Variants in ITGA2 observed in about 807,000 individuals in gnomAD.
ITGA2 encodes the protein integrin alpha-2.
ITGA2 carries 101 observed loss-of-function variants against 146.3 expected under a neutral mutation model. The observed-to-expected ratio is 0.69, with a 90% CI of 0.59 to 0.81. ITGA2 has a LOEUF of 0.81. Ranked by LOEUF, ITGA2 falls within the 40% of genes least tolerant of loss-of-function variation. The pLI is 0.00. For synonymous variants in ITGA2, 477 were observed against 487.1 expected (o/e 0.98, Z 0.27); for missense variants, 1,281 against 1,402.7 (o/e 0.91, Z 1.39).
chr5:53,091,928 G>T lies in ITGA2; in HGVS notation c.*1329G>T, dbSNP rs773148609. 1.3e-5 allele frequency: 2 copies of T among 152,204 alleles called. No homozygotes were observed. Among genetic ancestry groups the T allele is most frequent in the Non-Finnish European group, 2.9e-5 (2 of 68,034 alleles). 9.4% of individuals were successfully genotyped at this position (152,204 alleles called of 1,614,324 possible). ...ATTAGCAGGTGCACCTTCTGTGGCT[G>T]TCTTGTTTCTGAAGTACTTAAACTT... On this transcript the variant is annotated 3_prime_UTR_variant, in exon 30 of 30. Coordinates refer to ENST00000296585, the MANE Select transcript of ITGA2 (RefSeq NM_002203.4).
intron 1 of ITGA2, among the ~76,000 whole-genome samples, chr5:53,020,322 T>A (rs2111784823): frequency 6.6e-6 from 1 of 152,312 alleles, no homozygotes; most frequent in East Asian, 1.9e-4. Context: ...TATACAAGAC[T>A]TATTACAAAC....
chr5:53,089,894 C>G (rs1370836554), intron 28 of ITGA2, 52 bp from the exon 29 acceptor site: 8 of 1,042,222 alleles, frequency 7.7e-6, no homozygotes, highest in Non-Finnish European at 1.2e-5. Flanking sequence ...TAGACCATCT[C>G]CCCCCTTTTT....
rs1395318733 is a variant in ITGA2, at chr5:52,989,417, C to T, written c.-52C>T. On this transcript the variant is annotated 5_prime_UTR_variant, in exon 1 of 30. Coordinates refer to ENST00000296585, the MANE Select transcript of ITGA2 (RefSeq NM_002203.4). ...CGTATCCCTCGGCCAAGGGTATCCT[C>T]TGCAAACCTCTGCAAACCCAGCGCA... 6.3e-6 allele frequency: 10 copies of T among 1,590,368 alleles called. No individual in the cohort carries two copies.
chr5:53,089,851 T>C (rs1049041514), intron 28 of ITGA2, 95 bp from the exon 29 acceptor site: 1 of 799,972 alleles, frequency 1.3e-6, no homozygotes, highest in Non-Finnish European at 2.3e-6. Flanking sequence ...TCTAGAGCTG[T>C]AGACCTTCAC....
intron 2 of ITGA2, among the ~76,000 whole-genome samples, chr5:53,039,661 A>C (rs1340120442): frequency 7.0e-6 from 1 of 143,146 alleles, no homozygotes; most frequent in Non-Finnish European, 1.5e-5. Flanking sequence ...AGTCGCTTAA[A>C]CCCGGGAGGT....
intron 2 of ITGA2, among the ~76,000 whole-genome samples, chr5:53,040,359 T>C (rs1743726747): frequency 6.6e-6 from 1 of 152,058 alleles, no homozygotes; most frequent in African/African-American, 2.4e-5. Flanking sequence ...ATGGAGAAAA[T>C]CAAGGCTCTG....
At chr5:53,063,273 G>A (rs3212546) in intron 13 of ITGA2, among the ~76,000 whole-genome samples, 5 of 151,718 alleles carry the variant, frequency 3.3e-5, no homozygotes, top group Admixed American at 1.3e-4. Flanking sequence ...AATTTTTTGC[G>A]ATAAAGACAA....
chr5:53,005,580 C>A (rs1411050402), intron 1 of ITGA2, among the ~76,000 whole-genome samples: 33 of 137,318 alleles, frequency 2.4e-4, no homozygotes, highest in South Asian at 4.7e-4. Context: ...GACTCTGTGT[C>A]AAAAAAAAAA....
intron 1 of ITGA2, among the ~76,000 whole-genome samples, chr5:53,006,327 AG>A (rs1425745594): frequency 1.3e-5 from 2 of 152,182 alleles, no homozygotes; most frequent in African/African-American, 4.8e-5. Flanking sequence ...TCTTCTTTTT[AG>A]GGTTCTCCTA....
chr5:53,045,740 A>T (rs1400952742), intron 4 of ITGA2, among the ~76,000 whole-genome samples: 3 of 152,188 alleles, frequency 2.0e-5, no homozygotes, highest in African/African-American at 7.2e-5. Flanking sequence ...AGCTAATAGA[A>T]AAAATAATAT....
At chr5:53,009,833 G>A (rs1742035311) in intron 1 of ITGA2, among the ~76,000 whole-genome samples, 1 of 152,104 alleles carries the variant, frequency 6.6e-6, no homozygotes, top group Non-Finnish European at 1.5e-5. Flanking sequence ...GCAACAAGAA[G>A]TCAGCAGCCT....
intron 10 of ITGA2, among the ~76,000 whole-genome samples, chr5:53,059,135 C>T (rs1275531578): frequency 1.3e-5 from 2 of 151,894 alleles, no homozygotes; most frequent in Non-Finnish European, 2.9e-5. Context: ...CTCATCCTCA[C>T]CAAATCTGCC....
chr5:53,063,224 C>T (rs1744981511), intron 13 of ITGA2, among the ~76,000 whole-genome samples: 1 of 151,898 alleles, frequency 6.6e-6, no homozygotes, highest in Non-Finnish European at 1.5e-5. Flanking sequence ...GAAATATGCA[C>T]ACACACAAAC....
At chr5:53,055,132 T>G (rs1744570127) in intron 7 of ITGA2, among the ~76,000 whole-genome samples, 1 of 152,088 alleles carries the variant, frequency 6.6e-6, no homozygotes, top group African/African-American at 2.4e-5. Context: ...TTTTTTTAAC[T>G]GTGGATATCT....
chr5:53,089,127 C>T (rs1740285553), intron 28 of ITGA2: 1 of 152,076 alleles, frequency 6.6e-6, no homozygotes, highest in Non-Finnish European at 1.5e-5. Context: ...AAGTTTAGCC[C>T]AGCCCATAAA....
chr5:52,990,881 A>G (rs530850821), intron 1 of ITGA2, among the ~76,000 whole-genome samples: 1 of 152,186 alleles, frequency 6.6e-6, no homozygotes, highest in Non-Finnish European at 1.5e-5. Flanking sequence ...GTTGTACTTG[A>G]CATTGAAAAT....
At chr5:53,036,427 A>G (rs999448183) in intron 2 of ITGA2, among the ~76,000 whole-genome samples, 18 of 152,198 alleles carry the variant, frequency 1.2e-4, no homozygotes, top group African/African-American at 3.4e-4. Flanking sequence ...CAGTAGGACT[A>G]CCATCTCCTT....
chr5:53,069,043 T>A (rs1745268326), intron 16 of ITGA2, among the ~76,000 whole-genome samples: 1 of 151,914 alleles, frequency 6.6e-6, no homozygotes, highest in African/African-American at 2.4e-5. Context: ...CAAGAAAAAT[T>A]GTACAACATA....
chr5:53,047,244 C>T (rs997664938), intron 4 of ITGA2, among the ~76,000 whole-genome samples: 3 of 152,170 alleles, frequency 2.0e-5, no homozygotes, highest in Non-Finnish European at 4.4e-5. Context: ...TGATTCACAA[C>T]TTTACATAAC....
Sources: gnomAD v4.1 joint callset for allele counts (sites outside exome capture counted in the v4.1 genomes callset) on GRCh38, gnomAD v4.1.1 for gene constraint, MANE v1.5 for transcripts, NCBI Gene and HGNC (gene_info 2026-07-23, HGNC 2026-07-21) for gene names.